DNAH10: variants seen among roughly 807,000 people sequenced by gnomAD.
The protein encoded by DNAH10 is axonemal beta dynein heavy chain 10.
In DNAH10, 348 loss-of-function variants were observed where a neutral mutation model predicts 506.6. That is an observed-to-expected ratio of 0.69 (90% CI 0.63 to 0.75). DNAH10 has a LOEUF of 0.75. DNAH10 is among the 30% of genes least tolerant of loss of function. The probability of loss-of-function intolerance (pLI) is 0.00; values close to 1 mark genes in which losing one functional copy is unlikely to be tolerated. For missense variants in DNAH10, 5,179 were observed against 5,787.1 expected (o/e 0.89, Z 3.41); for synonymous variants, 2,059 against 2,198.6 (o/e 0.94, Z 1.78).
At position 123,897,777 on chromosome 12, in the gene DNAH10, T is replaced by A; in HGVS notation, c.9288T>A (p.Asn3096Lys). ...HAVAKSFLGY[N>K]PMIPAENIEN... ...TTATTCCTTCCTCTTCAGGGTATAA[T>A]CCAATGATCCCGGCAGAAAATATAG... Residue 3096 changes from asparagine (N) to lysine (K), a missense_variant, in exon 55 of 79, where the codon AAT becomes AAA. Physicochemically the swap from Asn to Lys is moderately conservative, Grantham distance 94. Coordinates refer to ENST00000673944, the MANE Select transcript of DNAH10 (RefSeq NM_001372106.1). 6.2e-7 allele frequency: 1 copy of A among 1,606,826 alleles called. No homozygotes were observed. Among genetic ancestry groups the A allele is most frequent in the Non-Finnish European group, 8.5e-7 (1 of 1,178,300 alleles).
At chr12:123,766,704 T>C (rs892084848) in intron 1 of DNAH10, among the ~76,000 whole-genome samples, 1 of 143,024 alleles carries the variant, frequency 7.0e-6, no homozygotes, top group African/African-American at 2.9e-5. Flanking sequence ...ACAATTTGAG[T>C]GGGTCCTGTT....
intron 77 of DNAH10, 130 bp from the exon 78 acceptor site, chr12:123,934,491 G>A: frequency 1.8e-6 from 2 of 1,124,638 alleles, no homozygotes; most frequent in South Asian, 1.4e-5. Flanking sequence ...AAGGGCCTGG[G>A]CTGTCCCCAA....
chr12:123,901,798 T>A (rs1953534700), intron 56 of DNAH10, among the ~76,000 whole-genome samples: 2 of 152,096 alleles, frequency 1.3e-5, no homozygotes, highest in African/African-American at 4.8e-5. Flanking sequence ...GTAGCTGGGA[T>A]TACAGGTGCC....
At chr12:123,934,441 C>A in intron 77 of DNAH10, 180 bp from the exon 78 acceptor site, 1 of 787,102 alleles carries the variant, frequency 1.3e-6, no homozygotes, top group Non-Finnish European at 2.1e-6. Flanking sequence ...CTGGGCTGCT[C>A]CTCCACAGAG....
chr12:123,811,050 A>G (rs1164899796), intron 19 of DNAH10, among the ~76,000 whole-genome samples: 2 of 152,232 alleles, frequency 1.3e-5, no homozygotes, highest in Admixed American at 6.5e-5. Flanking sequence ...GTATTTCATT[A>G]AAAAGATCTT....
chr12:123,898,646 T>A lies in DNAH10; in HGVS notation c.9479-7T>A. 6.5e-7 allele frequency: 1 copy of A among 1,527,918 alleles called. No individual in the cohort carries two copies. The highest frequency in any genetic ancestry group is 1.4e-5 in the African/African-American group (1 of 72,026). The allele number at this position is 1,527,918 out of a possible 1,614,324, so 94.6% of individuals were successfully genotyped here. ...CGACGATGAACATAGGTGCCCTCTTTCCTCAGCTCAGTGCAAGCGTCTGGA... is the reference window on the plus strand; with the variant it reads ...CGACGATGAACATAGGTGCCCTCTTACCTCAGCTCAGTGCAAGCGTCTGGA... On this transcript the variant is annotated splice_polypyrimidine_tract_variant and splice_region_variant and intron_variant, in intron 55 of 78. Transcript: ENST00000673944.
At chr12:123,784,253 T>C (rs1033571054) in intron 8 of DNAH10, 76 bp downstream of exon 8, 3 of 1,478,610 alleles carry the variant, frequency 2.0e-6, no homozygotes, top group Non-Finnish European at 2.8e-6. Context: ...CTTTTAAAAA[T>C]GTTCAGCATT....
In DNAH10 at chr12:123,833,236, T is replaced by C; in HGVS notation, c.4668T>C (p.Asp1556=). The C allele has an allele frequency of 6.2e-7, 1 of 1,613,944 alleles. No individual in the cohort carries two copies. The highest frequency in any genetic ancestry group is 8.5e-7 in the Non-Finnish European group (1 of 1,179,880). The change falls in exon 27 of 79, where the codon GAT becomes GAC. Residue 1556 remains aspartate, a synonymous_variant. Coordinates refer to ENST00000673944, the MANE Select transcript of DNAH10 (RefSeq NM_001372106.1). ...TTGACGAAATTATTCAGTCTCTTGA[T>C]GACAACACTTTCAACCTGCAGAGCA... ...GSVDEIIQSL[D]DNTFNLQSIS... is the part of the protein sequence containing the mutation.
chr12:123,882,647 T>C (rs973305499), intron 51 of DNAH10, among the ~76,000 whole-genome samples: 3 of 151,620 alleles, frequency 2.0e-5, no homozygotes, highest in African/African-American at 7.3e-5. Flanking sequence ...AAAAAAATGA[T>C]CCAGGCATGG....
Position 123,875,492 on chromosome 12 carries a change from G to A in DNAH10, c.8199+1G>A, listed in dbSNP as rs766736985. 6.2e-7 allele frequency: 1 copy of A among 1,613,178 alleles called. No individual in the cohort carries two copies. Among genetic ancestry groups the A allele is most frequent in the Non-Finnish European group, 8.5e-7 (1 of 1,179,242 alleles). On this transcript the variant is annotated splice_donor_variant, in intron 47 of 78. Transcript: ENST00000673944. LOFTEE classifies it high-confidence loss of function. ...CTCCATCCTGAAAGGCCACACCTCG[G>A]TAACTTGATTTTAACTAGAAGTCTA...
chr12:123,834,062 G>A (rs888351501), intron 27 of DNAH10, among the ~76,000 whole-genome samples: 10 of 152,170 alleles, frequency 6.6e-5, no homozygotes, highest in African/African-American at 1.2e-4. Flanking sequence ...GATGAAGCCA[G>A]GCCTGGTTCA....
chr12:123,782,675 G>A, intron 6 of DNAH10, among the ~76,000 whole-genome samples: 1 of 152,108 alleles, frequency 6.6e-6, no homozygotes, highest in East Asian at 1.9e-4. Context: ...GTCTCTCAAA[G>A]TGTTGAGATT....
intron 50 of DNAH10, 55 bp downstream of exon 50, chr12:123,879,856 A>G (rs1380118529): frequency 1.6e-5 from 25 of 1,583,332 alleles, no homozygotes; most frequent in East Asian, 4.5e-5. Context: ...GCATGGGCCA[A>G]GCGGGAGCTG....
chr12:123,863,905 A>G (rs1035283005), intron 39 of DNAH10, among the ~76,000 whole-genome samples: 5 of 152,182 alleles, frequency 3.3e-5, no homozygotes, highest in African/African-American at 1.2e-4. Context: ...ATAAATAGCA[A>G]TTGATACTCA....
intron 73 of DNAH10, 55 bp downstream of exon 73, chr12:123,930,628 A>G (rs1955161652): frequency 6.4e-7 from 1 of 1,573,492 alleles, no homozygotes; most frequent in Non-Finnish European, 8.6e-7. Context: ...AAGGGAGACC[A>G]TACATTTCAA....
intron 51 of DNAH10, among the ~76,000 whole-genome samples, chr12:123,886,392 G>A (rs1405108411): frequency 6.6e-6 from 1 of 152,180 alleles, no homozygotes; most frequent in South Asian, 2.1e-4. Flanking sequence ...GCACTCGGGA[G>A]GGGTGAGGAA....
chr12:123,804,105 T>C (rs142443869), intron 17 of DNAH10, among the ~76,000 whole-genome samples: 3 of 152,340 alleles, frequency 2.0e-5, no homozygotes, highest in African/African-American at 7.2e-5. Context: ...TTGCCCAGGC[T>C]GGTCTTGGAC....
Position 123,881,607 on chromosome 12 carries a change from T to G in DNAH10, c.8635-18T>G. On this transcript the variant is annotated intron_variant, in intron 50 of 78. Transcript: ENST00000673944. ...CACCATGCTGGGTTTTGAATTCTTTTTTTTTTTTTAAATGCAGGAAATTCT... is the reference window on the plus strand; with the variant it reads ...CACCATGCTGGGTTTTGAATTCTTTGTTTTTTTTTAAATGCAGGAAATTCT... The G allele has an allele frequency of 6.6e-7, 1 of 1,512,668 alleles. No homozygotes were observed. The highest frequency in any genetic ancestry group is 8.8e-7 in the Non-Finnish European group (1 of 1,133,112). 93.7% of individuals were successfully genotyped at this position (1,512,668 alleles called of 1,614,324 possible).
chr12:123,935,046 C>G, intron 78 of DNAH10: 1 of 600,296 alleles, frequency 1.7e-6, no homozygotes, highest in East Asian at 2.8e-5. Context: ...TCCCTTCTTG[C>G]AAAATGCTGC....
Sources: allele counts gnomAD v4.1 joint callset (sites outside exome capture counted in the v4.1 genomes callset), GRCh38; gene constraint gnomAD v4.1.1; transcripts MANE v1.5; gene names NCBI Gene and HGNC (gene_info 2026-07-23, HGNC 2026-07-21).